Variants in FBXL7 observed in about 807,000 individuals in gnomAD.
The protein encoded by FBXL7 is F-box and leucine rich repeat protein 7.
In FBXL7, 12 loss-of-function variants were observed where a neutral mutation model predicts 38.3. That is an observed-to-expected ratio of 0.31 (90% CI 0.20 to 0.51). FBXL7 has a LOEUF of 0.51. Ranked by LOEUF, FBXL7 falls within the 20% of genes least tolerant of loss-of-function variation. The pLI, the probability that FBXL7 is intolerant of heterozygous loss-of-function variation, is 0.98. For missense variants in FBXL7, 567 were observed against 676.4 expected, an observed-to-expected ratio of 0.84 and a Z score of 1.79; for synonymous variants, 297 against 300.9, an observed-to-expected ratio of 0.99 and a Z score of 0.13.
At chr5:15,861,735 G>A (rs1225524472) in intron 2 of FBXL7, among the ~76,000 whole-genome samples, 1 of 152,158 alleles carries the variant, frequency 6.6e-6, no homozygotes, top group African/African-American at 2.4e-5. Flanking sequence ...AAGTCGTGGG[G>A]TGTTGACCAC....
intron 2 of FBXL7, among the ~76,000 whole-genome samples, chr5:15,729,577 A>G (rs1389310069): frequency 2.0e-5 from 3 of 152,168 alleles, no homozygotes; most frequent in South Asian, 4.1e-4. Context: ...CAATTTGGAA[A>G]AACTCTGTTG....
At chr5:15,693,164 G>T (rs1743231588) in intron 2 of FBXL7, among the ~76,000 whole-genome samples, 1 of 152,128 alleles carries the variant, frequency 6.6e-6, no homozygotes, top group Admixed American at 6.5e-5. Context: ...TTCTCATGGG[G>T]TCTTACTTTG....
chr5:15,782,811 G>A (rs1057378450), intron 2 of FBXL7, among the ~76,000 whole-genome samples: 7 of 152,120 alleles, frequency 4.6e-5, no homozygotes, highest in East Asian at 3.9e-4. Flanking sequence ...TTTAATAGCC[G>A]AGGTTGGGAT....
intron 2 of FBXL7, among the ~76,000 whole-genome samples, chr5:15,671,348 G>A (rs928405531): frequency 1.3e-5 from 2 of 152,074 alleles, no homozygotes; most frequent in Non-Finnish European, 2.9e-5. Flanking sequence ...ATGCCACACT[G>A]AGCACTGGAT....
intron 2 of FBXL7, among the ~76,000 whole-genome samples, chr5:15,831,626 G>A (rs1041609037): frequency 1.3e-5 from 2 of 152,276 alleles, no homozygotes; most frequent in South Asian, 2.1e-4. Context: ...CAAGAGGTCT[G>A]TTTTCCACAG....
At chr5:15,709,111 C>T (rs191522160) in intron 2 of FBXL7, among the ~76,000 whole-genome samples, 11 of 152,260 alleles carry the variant, frequency 7.2e-5, no homozygotes, top group African/African-American at 2.4e-4. Flanking sequence ...AAAACAGGAG[C>T]ATCTGCTTTC....
chr5:15,912,920 A>C lies in FBXL7; in HGVS notation c.128-14970A>C, dbSNP rs185278549. 6.8e-4 allele frequency among the ~76,000 whole-genome samples: 104 copies of C among 152,336 alleles called. 1 individual carries two copies. Among genetic ancestry groups the C allele is most frequent in the African/African-American group, 2.5e-3 (103 of 41,578 alleles). ...CCCATGCGAAATGTATCCCAGGTCA[A>C]TATAAGGTGACCTTTAGAATCAGAG... On this transcript the variant is annotated intron_variant, in intron 2 of 3. Coordinates refer to ENST00000504595, the MANE Select transcript of FBXL7 (RefSeq NM_012304.5).
intron 2 of FBXL7, among the ~76,000 whole-genome samples, chr5:15,854,954 C>T (rs1739211730): frequency 6.6e-6 from 1 of 151,996 alleles, no homozygotes. Flanking sequence ...GAATTGTTTA[C>T]AATAAAACAA....
intron 2 of FBXL7, 136 bp downstream of exon 2, chr5:15,616,208 G>T: frequency 1.8e-6 from 1 of 555,172 alleles, no homozygotes. Flanking sequence ...AGGATGTTCA[G>T]GGTCTCCTAA....
At chr5:15,913,148 C>G (rs940720603) in intron 2 of FBXL7, among the ~76,000 whole-genome samples, 1 of 151,156 alleles carries the variant, frequency 6.6e-6, no homozygotes, top group African/African-American at 2.4e-5. Context: ...TTGTTTGGCA[C>G]TTAGTGCCTT....
chr5:15,693,606 G>A (rs1743246382), intron 2 of FBXL7, among the ~76,000 whole-genome samples: 1 of 152,080 alleles, frequency 6.6e-6, no homozygotes, highest in African/African-American at 2.4e-5. Context: ...AGACCACTCT[G>A]GCCCGCCATG....
At chr5:15,875,557 G>GA (rs751796596) in intron 2 of FBXL7, among the ~76,000 whole-genome samples, 5 of 151,716 alleles carry the variant, frequency 3.3e-5, no homozygotes, top group South Asian at 2.1e-4. Context: ...AAATTTACAA[G>GA]AAAAAAACAA....
intron 2 of FBXL7, among the ~76,000 whole-genome samples, chr5:15,749,659 T>C (rs574736433): frequency 2.0e-5 from 3 of 152,322 alleles, no homozygotes; most frequent in African/African-American, 7.2e-5. Context: ...CCTCAGTCAC[T>C]GCACAGCAGT....
intron 2 of FBXL7, among the ~76,000 whole-genome samples, chr5:15,617,120 T>A (rs1252239484): frequency 6.6e-6 from 1 of 152,272 alleles, no homozygotes; most frequent in East Asian, 1.9e-4. Context: ...TCTGCTGGTA[T>A]GTATACGTCT....
chr5:15,570,611 C>G (rs1024768143), intron 1 of FBXL7, among the ~76,000 whole-genome samples: 9 of 152,132 alleles, frequency 5.9e-5, no homozygotes, highest in African/African-American at 1.9e-4. Flanking sequence ...CTGTTCAGCT[C>G]TATGCAAGGT....
intron 2 of FBXL7, among the ~76,000 whole-genome samples, chr5:15,651,166 G>A (rs568236789): frequency 9.0e-4 from 133 of 147,036 alleles, no homozygotes; most frequent in Non-Finnish European, 1.6e-3. Context: ...GTGCAATCTC[G>A]GCTCACTGCA....
At position 15,598,989 on chromosome 5, in the gene FBXL7, G is replaced by A. The variant is rs550695761; in HGVS notation, c.38-16994G>A. 2.0e-5 allele frequency among the ~76,000 whole-genome samples: 3 copies of A among 152,254 alleles called. No individual in the cohort carries two copies. The South Asian group carries it at 6.2e-4, about 32-fold the overall frequency. ...CTCCTCCTTCCTACAAATTGTAGTA[G>A]TAGAAAGATTCTGGTTATCTGTGAG... On this transcript the variant is annotated intron_variant, in intron 1 of 3. Coordinates refer to ENST00000504595, the MANE Select transcript of FBXL7 (RefSeq NM_012304.5).
At chr5:15,555,936 C>A (rs969743247) in intron 1 of FBXL7, among the ~76,000 whole-genome samples, 3 of 151,926 alleles carry the variant, frequency 2.0e-5, no homozygotes, top group African/African-American at 7.3e-5. Context: ...CCAGTAGGAT[C>A]CATCTATCTA....
intron 2 of FBXL7, among the ~76,000 whole-genome samples, chr5:15,712,635 A>T (rs984044301): frequency 6.6e-6 from 1 of 152,082 alleles, no homozygotes; most frequent in African/African-American, 2.4e-5. Context: ...GAAAATTTCT[A>T]TGGAGCCTAG....
Sources: gnomAD v4.1 joint callset for allele counts (sites outside exome capture counted in the v4.1 genomes callset) on GRCh38, gnomAD v4.1.1 for gene constraint, MANE v1.5 for transcripts, NCBI Gene and HGNC (gene_info 2026-07-23, HGNC 2026-07-21) for gene names.